Variants in HMGCLL1 observed in about 807,000 individuals in gnomAD.
HMGCLL1 encodes 3-hydroxymethyl-3-methylglutaryl-CoA lyase, cytoplasmic.
HMGCLL1 carries 36 observed loss-of-function variants against 39.1 expected under a neutral mutation model. The ratio of observed to expected loss-of-function variants is 0.92; its 90% CI spans 0.71 to 1.22. The LOEUF (loss-of-function observed/expected upper bound fraction) is 1.22, where lower values mean the gene tolerates loss of function less well. Ranked by LOEUF, HMGCLL1 falls within the 50% of genes most tolerant of loss-of-function variation. The pLI, the probability that HMGCLL1 is intolerant of heterozygous loss-of-function variation, is 0.00. For synonymous variants in HMGCLL1, 149 were observed against 144.0 expected (o/e 1.03, Z -0.25); for missense variants, 451 against 416.5 (o/e 1.08, Z -0.72).
the HMGCLL1 span, among the ~76,000 whole-genome samples, chr6:55,600,200 T>C: frequency 2.0e-5 from 3 of 152,188 alleles, no homozygotes; most frequent in Non-Finnish European, 2.9e-5. Context: ...AAAATTATTG[T>C]TGACATTTTA....
intron 7 of HMGCLL1, among the ~76,000 whole-genome samples, chr6:55,472,017 T>C (rs1765069394): frequency 6.6e-6 from 1 of 151,792 alleles, no homozygotes; most frequent in African/African-American, 2.4e-5. Flanking sequence ...TCATAAGTGA[T>C]ACATATATTC....
chr6:55,540,581 A>G (rs1581920049), intron 3 of HMGCLL1, among the ~76,000 whole-genome samples: 1 of 152,098 alleles, frequency 6.6e-6, no homozygotes, highest in Non-Finnish European at 1.5e-5. Flanking sequence ...CAGCCTCCAT[A>G]ACTGTGAGAA....
intron 1 of HMGCLL1, among the ~76,000 whole-genome samples, chr6:55,567,445 C>T (rs935663274): frequency 6.6e-6 from 1 of 151,968 alleles, no homozygotes; most frequent in African/African-American, 2.4e-5. Flanking sequence ...TCTGTCAATT[C>T]CACCAAAATC....
intron 1 of HMGCLL1, among the ~76,000 whole-genome samples, chr6:55,546,775 T>G (rs1311411628): frequency 6.6e-6 from 1 of 152,122 alleles, no homozygotes; most frequent in Non-Finnish European, 1.5e-5. Flanking sequence ...AAATTTATTT[T>G]TATAGCATTT....
At chr6:55,634,455 C>T in the HMGCLL1 span, among the ~76,000 whole-genome samples, 1 of 151,980 alleles carries the variant, frequency 6.6e-6, no homozygotes, top group South Asian at 2.1e-4. Context: ...TACTGTGAAC[C>T]CAGCAGGAAT....
At chr6:55,616,237 A>G in the HMGCLL1 span, among the ~76,000 whole-genome samples, 1 of 152,132 alleles carries the variant, frequency 6.6e-6, no homozygotes, top group African/African-American at 2.4e-5. Context: ...CACAAACATG[A>G]TACAAAATTG....
At chr6:55,461,451 A>G (rs757663499) in intron 7 of HMGCLL1, among the ~76,000 whole-genome samples, 2 of 152,000 alleles carry the variant, frequency 1.3e-5, no homozygotes, top group Non-Finnish European at 2.9e-5. Context: ...CAATGCCTGG[A>G]TGGGGGAGGC....
At chr6:55,664,732 T>G in the HMGCLL1 span, among the ~76,000 whole-genome samples, 1 of 151,772 alleles carries the variant, frequency 6.6e-6, no homozygotes, top group African/African-American at 2.4e-5. Context: ...TACATTCAAT[T>G]TGTTAGTCAG....
At chr6:55,442,698 C>G (rs28629986) in intron 7 of HMGCLL1, among the ~76,000 whole-genome samples, 9,976 of 152,148 alleles carry the variant, frequency 0.066, 1,074 homozygotes, top group African/African-American at 0.23. Context: ...TGCTTTCTTT[C>G]CATTACCACA....
chr6:55,622,277 G>A, the HMGCLL1 span, among the ~76,000 whole-genome samples: 1 of 151,880 alleles, frequency 6.6e-6, no homozygotes, highest in African/African-American at 2.4e-5. Context: ...TCTCTTTTCT[G>A]ATGACTCTAG....
chr6:55,503,157 C>T (rs1278946585), intron 5 of HMGCLL1, among the ~76,000 whole-genome samples: 1 of 151,128 alleles, frequency 6.6e-6, no homozygotes, highest in African/African-American at 2.5e-5. Context: ...TCTGCCCTTA[C>T]CCTGTGGAAT....
At chr6:55,602,151 A>T in the HMGCLL1 span, among the ~76,000 whole-genome samples, 1 of 152,122 alleles carries the variant, frequency 6.6e-6, no homozygotes, top group African/African-American at 2.4e-5. Flanking sequence ...TGGTCAAATA[A>T]TCTAATCAGC....
At chr6:55,556,434 T>A (rs1207829745) in intron 1 of HMGCLL1, among the ~76,000 whole-genome samples, 3 of 152,108 alleles carry the variant, frequency 2.0e-5, no homozygotes, top group Non-Finnish European at 2.9e-5. Flanking sequence ...TGTGAGTTGA[T>A]CAAGGGAAAT....
chr6:55,481,436 G>T (rs984766435), intron 7 of HMGCLL1, among the ~76,000 whole-genome samples: 6 of 151,934 alleles, frequency 3.9e-5, no homozygotes, highest in Non-Finnish European at 1.5e-5. Flanking sequence ...AAGGATAAAT[G>T]CTTGAGGTGA....
At chr6:55,597,551 A>T in the HMGCLL1 span, among the ~76,000 whole-genome samples, 56 of 152,062 alleles carry the variant, frequency 3.7e-4, no homozygotes, top group Non-Finnish European at 5.9e-4. Flanking sequence ...AGGTTGTAAG[A>T]GCTTGGTGCT....
the HMGCLL1 span, among the ~76,000 whole-genome samples, chr6:55,677,861 A>G: frequency 6.6e-6 from 1 of 152,226 alleles, no homozygotes; most frequent in Non-Finnish European, 1.5e-5. Context: ...TAAAGTAACT[A>G]TGGAAGACAT....
chr6:55,592,395 G>C, the HMGCLL1 span, among the ~76,000 whole-genome samples: 1 of 152,072 alleles, frequency 6.6e-6, no homozygotes, highest in Non-Finnish European at 1.5e-5. Context: ...GATTTACTAA[G>C]TTAGAATTAG....
At chr6:55,569,162 G>A (rs1317909995) in intron 1 of HMGCLL1, among the ~76,000 whole-genome samples, 3 of 152,116 alleles carry the variant, frequency 2.0e-5, no homozygotes, top group Admixed American at 6.6e-5. Flanking sequence ...TGTATCCAAT[G>A]CAATTCTATT....
the HMGCLL1 span, among the ~76,000 whole-genome samples, chr6:55,585,680 T>C: frequency 6.6e-6 from 1 of 152,110 alleles, no homozygotes; most frequent in Non-Finnish European, 1.5e-5. Context: ...TTTGCCTTTA[T>C]TGAATCAAAT....
Sources: gnomAD v4.1 joint callset for allele counts (sites outside exome capture counted in the v4.1 genomes callset) on GRCh38, gnomAD v4.1.1 for gene constraint, MANE v1.5 for transcripts, NCBI Gene and HGNC (gene_info 2026-07-23, HGNC 2026-07-21) for gene names.